DENND5A: variants seen among roughly 807,000 people sequenced by gnomAD.
DENND5A encodes the protein DENN domain containing 5A, also known as DENN domain-containing protein 5A.
In DENND5A, 64 loss-of-function variants were observed where a neutral mutation model predicts 140.3. The ratio of observed to expected loss-of-function variants is 0.46; its 90% CI spans 0.37 to 0.56. The LOEUF (loss-of-function observed/expected upper bound fraction) is 0.56. Ranked by LOEUF, DENND5A falls within the 20% of genes least tolerant of loss-of-function variation. The probability of loss-of-function intolerance (pLI) is 0.00; values close to 1 mark genes in which losing one functional copy is unlikely to be tolerated. For missense variants in DENND5A, 1,292 were observed against 1,593.8 expected, an observed-to-expected ratio of 0.81 and a Z score of 3.22; for synonymous variants, 605 against 607.7, an observed-to-expected ratio of 1.00 and a Z score of 0.07.
At chr11:9,202,450 GATC>G (rs1335742730) in intron 4 of DENND5A, among the ~76,000 whole-genome samples, 1 of 152,166 alleles carries the variant, frequency 6.6e-6, no homozygotes, top group African/African-American at 2.4e-5. Flanking sequence ...CACACACAGA[GATC>G]ATAATAAAGC....
At chr11:9,162,080 A>G (rs1848002167) in intron 11 of DENND5A, among the ~76,000 whole-genome samples, 1 of 151,592 alleles carries the variant, frequency 6.6e-6, no homozygotes, top group Admixed American at 6.6e-5. Context: ...TAAGAAAAGG[A>G]AAACAAATCA....
At chr11:9,251,138 C>T (rs943352800) in intron 1 of DENND5A, among the ~76,000 whole-genome samples, 6 of 90,020 alleles carry the variant, frequency 6.7e-5, no homozygotes, top group African/African-American at 2.9e-4. Flanking sequence ...CCATCTCAAA[C>T]AAAAAAAAAA....
At chr11:9,172,592 T>C (rs776785236) in intron 8 of DENND5A, among the ~76,000 whole-genome samples, 27 of 152,180 alleles carry the variant, frequency 1.8e-4, no homozygotes, top group Non-Finnish European at 3.2e-4. Flanking sequence ...GATGGTTTCA[T>C]AAGCATCTGG....
At position 9,251,208 on chromosome 11, in the gene DENND5A, G is replaced by A. The variant is rs148458619; in HGVS notation, c.109+13753C>T. Among the ~76,000 whole-genome samples the A allele has an allele frequency of 1.1e-4, 17 of 150,664 alleles. No homozygotes were observed. In the East Asian group the frequency reaches 2.3e-3, roughly 21 times the overall value. On this transcript the variant is annotated intron_variant, in intron 1 of 22. Coordinates refer to ENST00000328194, the MANE Select transcript of DENND5A (RefSeq NM_015213.4). ...CATTCACAGAGGAATGAAACTCAAT[G>A]TGAGAAACCTCTACAGACTTTTCAC... is the stretch of plus-strand genomic sequence containing the variant.
intron 1 of DENND5A, among the ~76,000 whole-genome samples, chr11:9,232,796 T>C (rs1437167918): frequency 6.6e-6 from 1 of 152,166 alleles, no homozygotes; most frequent in Non-Finnish European, 1.5e-5. Flanking sequence ...ACTATTGTAA[T>C]ACTCAAAAAC....
chr11:9,192,346 C>T (rs780837227), intron 5 of DENND5A, among the ~76,000 whole-genome samples: 3 of 151,910 alleles, frequency 2.0e-5, no homozygotes, highest in Admixed American at 1.3e-4. Flanking sequence ...TCTCTACCCC[C>T]GGCCGGGCGC....
At chr11:9,171,957 A>T (rs1848388065) in intron 8 of DENND5A, 1 of 152,208 alleles carries the variant, frequency 6.6e-6, no homozygotes, top group Non-Finnish European at 1.5e-5. Flanking sequence ...TGAAAAATAC[A>T]CGGGCTGGGT....
chr11:9,244,614 C>T (rs1359877919), intron 1 of DENND5A, among the ~76,000 whole-genome samples: 1 of 152,168 alleles, frequency 6.6e-6, no homozygotes, highest in Non-Finnish European at 1.5e-5. Flanking sequence ...GGTGATCCGC[C>T]CGCTTCGGCC....
chr11:9,169,836 T>C lies in DENND5A; in HGVS notation c.2151+20A>G, dbSNP rs762454152. 3 of 1,411,806 alleles carry C rather than the reference T, an allele frequency of 2.1e-6. No individual in the cohort carries two copies. In the South Asian group the frequency reaches 3.5e-5, roughly 16 times the overall value. The allele number at this position is 1,411,806 out of a possible 1,614,324, so 87.5% of individuals were successfully genotyped here. A position where few individuals can be genotyped will look rare whatever the true frequency, so the allele number is the denominator to read the frequency against. On this transcript the variant is annotated intron_variant, in intron 10 of 22. Transcript: ENST00000328194. ...CAGCATGATAGCAAGGTCATCCTTATCATTCTTAAGGTATCTTACCTCCCT... is the reference window on the plus strand; with the variant it reads ...CAGCATGATAGCAAGGTCATCCTTACCATTCTTAAGGTATCTTACCTCCCT...
intron 12 of DENND5A, among the ~76,000 whole-genome samples, chr11:9,154,807 G>C (rs1423193745): frequency 6.6e-6 from 1 of 151,384 alleles, no homozygotes; most frequent in Admixed American, 6.6e-5. Flanking sequence ...ATTGTTTCCT[G>C]TTGGGAGCCA....
At chr11:9,246,688 C>G (rs1851486974) in intron 1 of DENND5A, among the ~76,000 whole-genome samples, 1 of 151,626 alleles carries the variant, frequency 6.6e-6, no homozygotes, top group Non-Finnish European at 1.5e-5. Context: ...AGGTTTGTTC[C>G]TGAAGGGCTT....
chr11:9,146,803 A>G (rs1847446004), intron 16 of DENND5A: 3 of 498,736 alleles, frequency 6.0e-6, no homozygotes, highest in Admixed American at 3.4e-5. Context: ...CCGACAACAC[A>G]ATGGCAAAAA....
intron 1 of DENND5A, among the ~76,000 whole-genome samples, chr11:9,244,739 T>C (rs1250020301): frequency 6.6e-6 from 1 of 152,112 alleles, no homozygotes; most frequent in African/African-American, 2.4e-5. Context: ...GCAGTGTCAC[T>C]ATCTCAGCTC....
intron 11 of DENND5A, 65 bp downstream of exon 11, chr11:9,165,771 C>T: frequency 6.3e-7 from 1 of 1,587,576 alleles, no homozygotes; most frequent in East Asian, 2.3e-5. Flanking sequence ...TGGTCAGAGC[C>T]AATCCTTGGT....
chr11:9,186,976 C>T (rs1329847091), intron 5 of DENND5A, among the ~76,000 whole-genome samples: 4 of 152,012 alleles, frequency 2.6e-5, no homozygotes, highest in Non-Finnish European at 4.4e-5. Context: ...CCCAGCTACT[C>T]GGGAGACTGA....
Position 9,144,223 on chromosome 11 carries a change from T to A in DENND5A, c.3178A>T (p.Ile1060Phe). 1 of 1,614,106 alleles carries A rather than the reference T, an allele frequency of 6.2e-7. No individual in the cohort carries two copies. Among genetic ancestry groups the A allele is most frequent in the Non-Finnish European group, 8.5e-7 (1 of 1,180,024 alleles). The change falls in exon 19 of 23, where the codon ATC becomes TTC. Residue 1060 changes from isoleucine (I) to phenylalanine (F), a missense_variant. Around this residue, in one of 4 missense-constraint regions of DENND5A, gnomAD observed 498 missense variants for 689.7 expected, o/e 0.72. Transcript: ENST00000328194. ...GATGTGAGCAGCTCCCCAACTAGGA[T>A]CCGCTCCAGGCTTCCATCATCCATG... ...KGMDDGSLER[I>F]LVGELLTSQP... is the part of the protein sequence containing the mutation.
chr11:9,239,378 C>G (rs917362760), intron 1 of DENND5A, among the ~76,000 whole-genome samples: 1 of 148,580 alleles, frequency 6.7e-6, no homozygotes, highest in Non-Finnish European at 1.5e-5. Flanking sequence ...GTTCAGTTGC[C>G]CAGGCTGGAG....
At chr11:9,151,299 C>T (rs990927306) in intron 13 of DENND5A, among the ~76,000 whole-genome samples, 3 of 152,172 alleles carry the variant, frequency 2.0e-5, no homozygotes, top group Non-Finnish European at 2.9e-5. Flanking sequence ...CCTTTATATC[C>T]TCATGTCTGG....
chr11:9,235,927 C>T (rs1850980784), intron 1 of DENND5A, among the ~76,000 whole-genome samples: 1 of 152,112 alleles, frequency 6.6e-6, no homozygotes, highest in East Asian at 1.9e-4. Context: ...CATAAATATA[C>T]TAAACACCAC....
Sources: allele counts gnomAD v4.1 joint callset (sites outside exome capture counted in the v4.1 genomes callset), GRCh38; gene constraint gnomAD v4.1.1; regional missense constraint gnomAD v4.1.1; transcripts MANE v1.5; gene names NCBI Gene and HGNC (gene_info 2026-07-23, HGNC 2026-07-21).